Variants in KCNJ10 observed in about 807,000 individuals in gnomAD.
The protein encoded by KCNJ10 is ATP-sensitive inward rectifier potassium channel 10.
In KCNJ10, 9 loss-of-function variants were observed where a neutral mutation model predicts 22.2. The observed-to-expected ratio is 0.40, with a 90% CI of 0.24 to 0.71. KCNJ10 has a LOEUF of 0.71. Ranked by LOEUF, KCNJ10 falls within the 30% of genes least tolerant of loss-of-function variation. KCNJ10 has a pLI of 0.35. For missense variants in KCNJ10, 337 were observed against 482.7 expected (o/e 0.70, Z 2.83); for synonymous variants, 184 against 187.3 (o/e 0.98, Z 0.15).
chr1:160,045,087 C>T (rs535880658), intron 1 of KCNJ10, among the ~76,000 whole-genome samples: 4 of 152,292 alleles, frequency 2.6e-5, no homozygotes, highest in Admixed American at 1.3e-4. Flanking sequence ...CAACAGAGAA[C>T]GTGTACCTAA....
intron 1 of KCNJ10, among the ~76,000 whole-genome samples, chr1:160,049,705 A>T (rs867939411): frequency 1.6e-5 from 2 of 126,376 alleles, no homozygotes; most frequent in Non-Finnish European, 3.3e-5. Flanking sequence ...ATATATATAT[A>T]TATATATATA....
chr1:160,060,906 G>A (rs910981673), intron 1 of KCNJ10, among the ~76,000 whole-genome samples: 3 of 152,208 alleles, frequency 2.0e-5, no homozygotes, highest in African/African-American at 7.2e-5. Context: ...TAAGAAGGCT[G>A]TGGGGTTACT....
rs1422202303 is a variant in KCNJ10, at chr1:160,040,471, T to C, written c.*922A>G. Reference sequence around the variant, plus strand: ...CAGGAAAGGAAGAAGAGAAGCCAGGTACAGTGTAATCTGGAATATTATTTT... The same window carrying C: ...CAGGAAAGGAAGAAGAGAAGCCAGGCACAGTGTAATCTGGAATATTATTTT... On this transcript the variant is annotated 3_prime_UTR_variant, in exon 2 of 2. Transcript: ENST00000644903. The C allele has an allele frequency of 7.5e-6, 3 of 398,506 alleles. No individual in the cohort carries two copies. Among genetic ancestry groups the C allele is most frequent in the Non-Finnish European group, 1.3e-5 (3 of 226,056 alleles). The allele number at this position is 398,506 out of a possible 1,614,324, so 24.7% of individuals were successfully genotyped here.
At chr1:160,055,422 T>C (rs1018705220) in intron 1 of KCNJ10, among the ~76,000 whole-genome samples, 4 of 152,190 alleles carry the variant, frequency 2.6e-5, no homozygotes, top group African/African-American at 9.7e-5. Context: ...CACTTGAGAC[T>C]GATGACTGAC....
At chr1:160,065,080 G>T (rs41265755) in intron 1 of KCNJ10, 9,294 of 152,170 alleles carry the variant, frequency 0.061, 433 homozygotes, top group East Asian at 0.2. Context: ...ATTTGTGTTG[G>T]GGGGGTGGGT....
chr1:160,065,976 A>G (rs1649315149), intron 1 of KCNJ10, among the ~76,000 whole-genome samples: 1 of 152,138 alleles, frequency 6.6e-6, no homozygotes, highest in South Asian at 2.1e-4. Flanking sequence ...AGAGAAGGGC[A>G]TATAAACCTG....
At chr1:160,050,317 G>A (rs1319535679) in intron 1 of KCNJ10, among the ~76,000 whole-genome samples, 1 of 142,960 alleles carries the variant, frequency 7.0e-6, no homozygotes, top group African/African-American at 2.6e-5. Flanking sequence ...TTTTTTTGTA[G>A]AGATGGGATC....
At chr1:160,045,992 C>T (rs1019506269) in intron 1 of KCNJ10, among the ~76,000 whole-genome samples, 7 of 152,120 alleles carry the variant, frequency 4.6e-5, no homozygotes, top group Non-Finnish European at 1.0e-4. Flanking sequence ...GATCCTATGG[C>T]GGAGATAAAA....
chr1:160,051,740 G>C (rs1447072430), intron 1 of KCNJ10, among the ~76,000 whole-genome samples: 1 of 151,970 alleles, frequency 6.6e-6, no homozygotes, highest in African/African-American at 2.4e-5. Context: ...TCCTAGTTTT[G>C]CATGATTTGT....
chr1:160,043,713 A>C (rs1350363505), intron 1 of KCNJ10, among the ~76,000 whole-genome samples: 1 of 152,252 alleles, frequency 6.6e-6, no homozygotes, highest in African/African-American at 2.4e-5. Flanking sequence ...TATATTAACT[A>C]GCAGCTATGT....
chr1:160,069,335 A>G (rs1254327589), intron 1 of KCNJ10, among the ~76,000 whole-genome samples: 1 of 152,208 alleles, frequency 6.6e-6, no homozygotes, highest in Non-Finnish European at 1.5e-5. Flanking sequence ...GGGTGAGTTT[A>G]TAGAACCCAA....
At chr1:160,047,377 G>A (rs1410536688) in intron 1 of KCNJ10, among the ~76,000 whole-genome samples, 2 of 152,200 alleles carry the variant, frequency 1.3e-5, no homozygotes, top group African/African-American at 2.4e-5. Context: ...AAAGAGAAAA[G>A]CTGCACCAGC....
chr1:160,046,562 C>G (rs1298166392), intron 1 of KCNJ10, among the ~76,000 whole-genome samples: 1 of 152,168 alleles, frequency 6.6e-6, no homozygotes, highest in African/African-American at 2.4e-5. Context: ...CCACTGCTAG[C>G]CTCTTTGTTG....
rs145947380 is a variant in KCNJ10, at chr1:160,042,003, T to C, written c.530A>G (p.Glu177Gly). The C allele has an allele frequency of 3.7e-4, 580 of 1,573,376 alleles. No individual in the cohort carries two copies. The highest frequency in any genetic ancestry group is 3.3e-4 in the Non-Finnish European group (381 of 1,158,266). The change falls in exon 2 of 2, where the codon GAG becomes GGG. Residue 177 changes from glutamate to glycine, a missense_variant. Physicochemically the swap from Glu to Gly is moderately conservative, Grantham distance 98. This residue lies in a region of KCNJ10 where 165 missense variants were observed against 281.5 expected (regional missense o/e 0.59). Coordinates refer to ENST00000644903, the MANE Select transcript of KCNJ10 (RefSeq NM_002241.5). ...TGCATGCTGGCTGAAACGAATGGTC[T>C]CAGCCCGCTTCTTGGGCCGGGCAAT... Reference protein sequence around the residue: ...AKIARPKKRAETIRFSQHAVV... With the variant: ...AKIARPKKRAGTIRFSQHAVV...
chr1:160,040,576 AG>A lies in KCNJ10; in HGVS notation c.*816del, dbSNP rs1648577325. On this transcript the variant is annotated 3_prime_UTR_variant, in exon 2 of 2. Coordinates refer to ENST00000644903, the MANE Select transcript of KCNJ10 (RefSeq NM_002241.5). Reference sequence around the variant, plus strand: ...TTGGGTCCTTCCATTCACAGGACACAGGGAAACAGATCTTCTCTGGGCTGCC... The same window carrying A: ...TTGGGTCCTTCCATTCACAGGACACAGGAAACAGATCTTCTCTGGGCTGCC... 7.5e-6 allele frequency: 3 copies of A among 398,636 alleles called. No individual in the cohort carries two copies. The highest frequency in any genetic ancestry group is 1.3e-5 in the Non-Finnish European group (3 of 226,148). 24.7% of individuals were successfully genotyped at this position (398,636 alleles called of 1,614,324 possible).
chr1:160,042,158 G>T lies in KCNJ10; in HGVS notation c.375C>A (p.Ser125=). The change falls in exon 2 of 2, where the codon TCC becomes TCA. Residue 125 remains serine, a synonymous_variant. Coordinates refer to ENST00000644903, the MANE Select transcript of KCNJ10 (RefSeq NM_002241.5). ...LTGAFLFSLE[S]QTTIGYGFRY... ...GGAAGCCATAGCCAATGGTGGTTTG[G>T]GATTCAAGGGAGAAGAGGAAGGCTC... 1 of 1,588,730 alleles carries T rather than the reference G, an allele frequency of 6.3e-7. No homozygotes were observed. The highest frequency in any genetic ancestry group is 2.2e-5 in the East Asian group (1 of 44,504).
At chr1:160,050,161 T>C (rs1458485653) in intron 1 of KCNJ10, among the ~76,000 whole-genome samples, 1 of 152,126 alleles carries the variant, frequency 6.6e-6, no homozygotes, top group Non-Finnish European at 1.5e-5. Flanking sequence ...TGAAACTGGG[T>C]CTCACTCTGT....
At chr1:160,045,020 A>G (rs960221334) in intron 1 of KCNJ10, among the ~76,000 whole-genome samples, 2 of 152,194 alleles carry the variant, frequency 1.3e-5, no homozygotes, top group African/African-American at 2.4e-5. Flanking sequence ...CTCAAAAACA[A>G]TAATAACCTA....
In KCNJ10 at chr1:160,038,280, T is replaced by G. The variant is rs1648523371; in HGVS notation, c.*3113A>C. 1 of 152,230 alleles carries G rather than the reference T, an allele frequency of 6.6e-6. No homozygotes were observed. Among genetic ancestry groups the G allele is most frequent in the African/African-American group, 2.4e-5 (1 of 41,442 alleles). The allele number at this position is 152,230 out of a possible 1,614,324, so 9.4% of individuals were successfully genotyped here. A position where few individuals can be genotyped will look rare whatever the true frequency, so the allele number is the denominator to read the frequency against. On this transcript the variant is annotated 3_prime_UTR_variant, in exon 2 of 2. Transcript: ENST00000644903. The stretch of plus-strand genomic sequence containing the variant: ...AAAATGGTGCTTTATTTTATTTTAT[T>G]TATTTTAAAAAGGCGCTACAGTGGC...
Sources: gnomAD v4.1 joint callset for allele counts (sites outside exome capture counted in the v4.1 genomes callset) on GRCh38, gnomAD v4.1.1 for gene constraint, gnomAD v4.1.1 regional missense constraint, MANE v1.5 for transcripts, NCBI Gene and HGNC (gene_info 2026-07-23, HGNC 2026-07-21) for gene names.